CUL1: variants seen among roughly 807,000 people sequenced by gnomAD.
CUL1 encodes cullin-1.
Under a neutral mutation model 118.0 loss-of-function variants are expected in CUL1, and 24 were observed. The ratio of observed to expected loss-of-function variants is 0.20; its 90% CI spans 0.15 to 0.29. CUL1 has a LOEUF of 0.29. Ranked by LOEUF, CUL1 falls within the 10% of genes least tolerant of loss-of-function variation. CUL1 has a pLI of 1.00. For missense variants in CUL1, 361 were observed against 933.8 expected (o/e 0.39, Z 7.99); for synonymous variants, 332 against 340.4 (o/e 0.98, Z 0.27).
intron 12 of CUL1, among the ~76,000 whole-genome samples, 167 bp downstream of exon 12, chr7:148,786,766 C>T (rs1223475797): frequency 6.6e-6 from 1 of 152,220 alleles, no homozygotes; most frequent in Non-Finnish European, 1.5e-5. Context: ...AGCATTCATA[C>T]TTTTCTCATT....
chr7:148,729,430 T>C (rs1798685091), intron 1 of CUL1, among the ~76,000 whole-genome samples: 1 of 152,202 alleles, frequency 6.6e-6, no homozygotes. Flanking sequence ...ACATTTTGAA[T>C]CTTGATAATT....
intron 1 of CUL1, among the ~76,000 whole-genome samples, chr7:148,710,839 G>A (rs1255429099): frequency 4.0e-5 from 6 of 151,656 alleles, no homozygotes; most frequent in African/African-American, 1.5e-4. Context: ...AATTTTTTTT[G>A]TGTGTTTTTA....
chr7:148,757,996 TG>T (rs1799712805), intron 4 of CUL1, among the ~76,000 whole-genome samples: 1 of 152,172 alleles, frequency 6.6e-6, no homozygotes, highest in African/African-American at 2.4e-5. Context: ...GAGATTTGGG[TG>T]GGGACATAGC....
intron 2 of CUL1, among the ~76,000 whole-genome samples, chr7:148,748,051 A>G (rs1278973465): frequency 5.3e-5 from 8 of 152,358 alleles, no homozygotes; most frequent in Admixed American, 5.2e-4. Flanking sequence ...GTAATTAACC[A>G]TTTCAAGAAT....
At chr7:148,795,454 G>A (rs1314545508) in intron 17 of CUL1, among the ~76,000 whole-genome samples, 4 of 151,842 alleles carry the variant, frequency 2.6e-5, no homozygotes, top group Non-Finnish European at 2.9e-5. Flanking sequence ...CTGATTGCTC[G>A]TTGCTAATGT....
chr7:148,717,867 T>G (rs906029024), intron 1 of CUL1, among the ~76,000 whole-genome samples: 1 of 152,240 alleles, frequency 6.6e-6, no homozygotes, highest in Non-Finnish European at 1.5e-5. Flanking sequence ...TAACTTGTAT[T>G]GCCATTTTTG....
intron 11 of CUL1, among the ~76,000 whole-genome samples, chr7:148,784,306 C>T (rs578046273): frequency 1.3e-5 from 2 of 152,286 alleles, no homozygotes; most frequent in African/African-American, 4.8e-5. Flanking sequence ...GGTTATTCTC[C>T]ATCCAAGCAC....
chr7:148,724,312 A>G (rs935721086), intron 1 of CUL1, among the ~76,000 whole-genome samples: 3 of 152,210 alleles, frequency 2.0e-5, no homozygotes, highest in Non-Finnish European at 4.4e-5. Context: ...TTGGAATAAC[A>G]GTCTTTTCTG....
At chr7:148,767,953 T>G (rs1160735390) in intron 9 of CUL1, among the ~76,000 whole-genome samples, 1 of 152,248 alleles carries the variant, frequency 6.6e-6, no homozygotes, top group Non-Finnish European at 1.5e-5. Flanking sequence ...CTCGCACTTT[T>G]TAGGCGTTAA....
At chr7:148,727,300 A>C (rs1258338401) in intron 1 of CUL1, among the ~76,000 whole-genome samples, 1 of 152,244 alleles carries the variant, frequency 6.6e-6, no homozygotes, top group Non-Finnish European at 1.5e-5. Flanking sequence ...CCAATATTTT[A>C]AGGAAAAAGT....
intron 2 of CUL1, among the ~76,000 whole-genome samples, chr7:148,733,723 T>C (rs971924051): frequency 2.6e-5 from 4 of 152,184 alleles, no homozygotes; most frequent in African/African-American, 9.7e-5. Context: ...TCATCAGCAG[T>C]TGGCAAAGGA....
chr7:148,717,091 G>A (rs182765051), intron 1 of CUL1, among the ~76,000 whole-genome samples: 3 of 143,448 alleles, frequency 2.1e-5, no homozygotes, highest in African/African-American at 4.9e-5. Context: ...ATGGAATCTC[G>A]CTCTGTCACC....
rs559413349 is a variant in CUL1 at position 148,727,731 on chromosome 7, C to G, written c.-161-2231C>G. On this transcript the variant is annotated intron_variant, in intron 1 of 21. Transcript: ENST00000325222. ...CTCTAGGCAGAAGCAGTAGCAGATG[C>G]AGAGATCCTGTGGCGGGGAAAGGAG... Among the ~76,000 whole-genome samples, 8 of 151,538 alleles carry G rather than the reference C, an allele frequency of 5.3e-5. No individual in the cohort carries two copies. In the South Asian group the frequency reaches 1.5e-3, roughly 28 times the overall value.
At chr7:148,769,438 CACACACACACAA>C (rs1452378030) in intron 9 of CUL1, among the ~76,000 whole-genome samples, 3 of 150,120 alleles carry the variant, frequency 2.0e-5, no homozygotes, top group African/African-American at 2.5e-5. Context: ...CACACACACA[CACACACACACAA>C]AACGCTCACC....
intron 9 of CUL1, among the ~76,000 whole-genome samples, chr7:148,780,886 T>C (rs1800603576): frequency 6.6e-6 from 1 of 152,148 alleles, no homozygotes; most frequent in African/African-American, 2.4e-5. Flanking sequence ...CCTCTCTGTT[T>C]TATAACCTGT....
chr7:148,719,996 C>A (rs140020008), intron 1 of CUL1, among the ~76,000 whole-genome samples: 107 of 152,314 alleles, frequency 7.0e-4, no homozygotes, highest in African/African-American at 2.5e-3. Flanking sequence ...CTTGTACATG[C>A]AGAGAATATA....
intron 2 of CUL1, among the ~76,000 whole-genome samples, chr7:148,731,095 G>A (rs757207487): frequency 2.6e-5 from 4 of 152,196 alleles, no homozygotes; most frequent in Non-Finnish European, 5.9e-5. Context: ...GGTCCACGAT[G>A]TGCATGGGGG....
rs1801357921 is a variant in CUL1 at position 148,800,658 on chromosome 7, A to G, written c.*76A>G. 6 of 1,223,926 alleles carry G rather than the reference A, an allele frequency of 4.9e-6. No individual in the cohort carries two copies. In the Middle Eastern group the frequency reaches 1.3e-3, roughly 263 times the overall value. 75.8% of individuals were successfully genotyped at this position (1,223,926 alleles called of 1,614,324 possible). ...GAAAGAATGAAAACAACTCAAGTTC[A>G]TAGCAGCCAGCCTGCCGCCATTGGA... is the stretch of plus-strand genomic sequence containing the variant. On this transcript the variant is annotated 3_prime_UTR_variant, in exon 22 of 22. Transcript: ENST00000325222. The surrounding 1 kb of genome is among the most constrained non-coding windows in gnomAD (Gnocchi z 4.6).
intron 2 of CUL1, among the ~76,000 whole-genome samples, chr7:148,737,546 ATGTG>A (rs1254648021): frequency 6.8e-6 from 1 of 146,652 alleles, no homozygotes; most frequent in Admixed American, 6.9e-5. Context: ...AGTACGATAT[ATGTG>A]TGTGTGTGTA....
Sources: gnomAD v4.1 joint callset for allele counts (sites outside exome capture counted in the v4.1 genomes callset) on GRCh38, gnomAD v4.1.1 for gene constraint, Gnocchi (gnomAD v3.1) non-coding constraint, MANE v1.5 for transcripts, NCBI Gene and HGNC (gene_info 2026-07-23, HGNC 2026-07-21) for gene names.